MTRR: variants seen among roughly 807,000 people sequenced by gnomAD.
MTRR encodes the protein methionine synthase reductase.
A neutral mutation model predicts 79.2 loss-of-function variants in MTRR; 63 were observed. The observed-to-expected ratio is 0.80, with a 90% confidence interval of 0.65 to 0.98. MTRR has a LOEUF of 0.98. MTRR is among the 50% of genes least tolerant of loss of function. MTRR has a pLI of 0.00. For missense variants in MTRR, 895 were observed against 839.6 expected, an observed-to-expected ratio of 1.07 and a Z score of -0.82; for synonymous variants, 355 against 313.3, an observed-to-expected ratio of 1.13 and a Z score of -1.41.
chr5:7,892,660 A>G, intron 10 of MTRR, 67 bp from the exon 11 acceptor site: 2 of 1,457,160 alleles, frequency 1.4e-6, no homozygotes, highest in Middle Eastern at 1.8e-4. Flanking sequence ...GAATAAAAGG[A>G]TTGGTTTGAC....
intron 14 of MTRR, 32 bp downstream of exon 14, chr5:7,897,279 A>G (rs1156499637): frequency 1.1e-5 from 17 of 1,609,156 alleles, no homozygotes; most frequent in Non-Finnish European, 1.4e-5. Context: ...GTCGGGTAGG[A>G]GAGGGCCATC....
Position 7,873,454 on chromosome 5 carries a change from A to C in MTRR, c.211A>C (p.Lys71Gln). ...GTGDPPDTAR[K>Q]FVKEIQNQTL... ...CGGAGACCCACCCGACACAGCCCGC[A>C]AGTTTGTTAAGGAAATACAGAACCA... Residue 71 changes from lysine to glutamine, a missense_variant, in exon 3 of 15, where the codon AAG becomes CAG. Coordinates refer to ENST00000440940, the MANE Select transcript of MTRR (RefSeq NM_002454.3). 6.2e-7 allele frequency: 1 copy of C among 1,614,094 alleles called. No individual in the cohort carries two copies. The highest frequency in any genetic ancestry group is 2.2e-5 in the East Asian group (1 of 44,870).
At chr5:7,890,132 TC>T in intron 9 of MTRR, 1 of 394,150 alleles carries the variant, frequency 2.5e-6, no homozygotes, top group Non-Finnish European at 3.5e-6. Context: ...TTTGCATTTT[TC>T]TTTGGTGACA....
chr5:7,881,828 C>T (rs1735648629), intron 5 of MTRR, among the ~76,000 whole-genome samples: 1 of 152,162 alleles, frequency 6.6e-6, no homozygotes, highest in South Asian at 2.1e-4. Flanking sequence ...TGCTGTTTCT[C>T]TCTAGTTCTC....
chr5:7,865,814 T>C, upstream of MTRR: 1 of 1,031,220 alleles, frequency 9.7e-7, no homozygotes, highest in East Asian at 2.4e-5. Context: ...TTTTTCAGGT[T>C]ATTGAGACAG....
intron 1 of MTRR, among the ~76,000 whole-genome samples, chr5:7,858,958 T>C (rs1746348483): frequency 6.6e-6 from 1 of 152,178 alleles, no homozygotes; most frequent in African/African-American, 2.4e-5. Flanking sequence ...ATATATCTCA[T>C]TAACCAGAAG....
chr5:7,880,460 G>A (rs1735402796), intron 5 of MTRR, among the ~76,000 whole-genome samples: 1 of 152,190 alleles, frequency 6.6e-6, no homozygotes, highest in African/African-American at 2.4e-5. Flanking sequence ...TTGCACGGAG[G>A]TTACAGTGGA....
upstream of MTRR, among the ~76,000 whole-genome samples, chr5:7,865,091 T>C (rs1746844892): frequency 1.3e-5 from 2 of 152,028 alleles, no homozygotes; most frequent in African/African-American, 2.4e-5. Flanking sequence ...TAAAAGCAAA[T>C]TGTACTTTGA....
intron 1 of MTRR, chr5:7,861,175 G>C: frequency 6.2e-7 from 1 of 1,610,734 alleles, no homozygotes; most frequent in Non-Finnish European, 8.5e-7. Context: ...CCGAGTAACT[G>C]TAGGTGTCTT....
intron 9 of MTRR, chr5:7,890,172 T>C (rs1240979503): frequency 3.8e-6 from 3 of 790,248 alleles, no homozygotes; most frequent in Non-Finnish European, 4.6e-6. Flanking sequence ...TTTTTACTCT[T>C]GGGCCAGCAA....
At position 7,871,622 on chromosome 5, in the gene MTRR, C is replaced by CCAGT. The variant is rs1466362980; in HGVS notation, c.129+700_129+703dup. Among the ~76,000 whole-genome samples, 4 of 152,214 alleles carry CCAGT rather than the reference C, an allele frequency of 2.6e-5. No individual in the cohort carries two copies. In the East Asian group the frequency reaches 7.7e-4, roughly 29 times the overall value. ...CTTCAACATTTCAGAGACTGTCCTG[C>CCAGT]CAGTGCTCTCTCACCCAAGTGCACA... is the stretch of plus-strand genomic sequence containing the variant. On this transcript the variant is annotated intron_variant, in intron 2 of 14. Transcript: ENST00000440940.
chr5:7,896,670 G>C (rs1738574027), intron 12 of MTRR, 194 bp from the exon 13 acceptor site: 1 of 622,544 alleles, frequency 1.6e-6, no homozygotes, highest in Non-Finnish European at 2.9e-6. Flanking sequence ...CCACACACTT[G>C]CCTAGTGTGG....
At chr5:7,875,175 A>G (rs1748663903) in intron 3 of MTRR, 83 bp from the exon 4 acceptor site, 5 of 915,866 alleles carry the variant, frequency 5.5e-6, no homozygotes, top group South Asian at 5.2e-5. Context: ...AAATAGTATT[A>G]TTTTAGATAT....
chr5:7,897,633 T>C (rs1038712702), intron 14 of MTRR, among the ~76,000 whole-genome samples: 7 of 152,218 alleles, frequency 4.6e-5, no homozygotes, highest in Non-Finnish European at 1.0e-4. Flanking sequence ...AGAAAAAGTA[T>C]GATTTTTGAT....
At chr5:7,887,819 T>C (rs1226937031) in intron 8 of MTRR, among the ~76,000 whole-genome samples, 1 of 28,794 alleles carries the variant, frequency 3.5e-5, no homozygotes, top group East Asian at 5.2e-4. Context: ...TATATATATA[T>C]ATATATATAT....
chr5:7,892,677 G>A lies in MTRR; in HGVS notation c.1371-50G>A, dbSNP rs368090220. ...ATAAAAGGATTGGTTTGACCCATATGTGTAGTAGTACTGATATCGAGTTCA... is the reference window on the plus strand; with the variant it reads ...ATAAAAGGATTGGTTTGACCCATATATGTAGTAGTACTGATATCGAGTTCA... On this transcript the variant is annotated intron_variant, in intron 10 of 14. Coordinates refer to ENST00000440940, the MANE Select transcript of MTRR (RefSeq NM_002454.3). The A allele has an allele frequency of 3.2e-6, 5 of 1,555,862 alleles. No homozygotes were observed. In the Admixed American group the frequency reaches 5.0e-5, roughly 16 times the overall value.
chr5:7,873,237 A>G (rs775301721), intron 2 of MTRR, 136 bp from the exon 3 acceptor site: 1 of 1,032,920 alleles, frequency 9.7e-7, no homozygotes, highest in Non-Finnish European at 1.5e-6. Flanking sequence ...TAGTCACTGG[A>G]CTGGTCGTCT....
rs2303081 is a variant in MTRR at position 7,891,497 on chromosome 5, A to G, written c.1370+83A>G. The stretch of plus-strand genomic sequence containing the variant: ...GCTTCCAGATCATTAGAGTTTACTA[A>G]TTTATTCAGTGAAAACTTACCTGCT... On this transcript the variant is annotated intron_variant, in intron 10 of 14. Transcript: ENST00000440940. The G allele has an allele frequency of 0.13, 150,338 of 1,200,668 alleles. 13,225 individuals carry two copies. The highest frequency in any genetic ancestry group is 0.33 in the Admixed American group (18,447 of 56,110). 74.4% of individuals were successfully genotyped at this position (1,200,668 alleles called of 1,614,324 possible). A position where few individuals can be genotyped will look rare whatever the true frequency, so the allele number is the denominator to read the frequency against.
chr5:7,861,173 C>A (rs1299516341), intron 1 of MTRR: 6 of 1,610,180 alleles, frequency 3.7e-6, no homozygotes, highest in Middle Eastern at 1.6e-4. Flanking sequence ...AACCGAGTAA[C>A]TGTAGGTGTC....
Sources: gnomAD v4.1 joint callset for allele counts (sites outside exome capture counted in the v4.1 genomes callset) on GRCh38, gnomAD v4.1.1 for gene constraint, MANE v1.5 for transcripts, NCBI Gene and HGNC (gene_info 2026-07-23, HGNC 2026-07-21) for gene names.